Variants in SMARCC2 observed in about 807,000 individuals in gnomAD.
SMARCC2 encodes SWI/SNF related BAF chromatin remodeling complex subunit C2.
SMARCC2 carries 15 observed loss-of-function variants against 151.3 expected under a neutral mutation model. That is an observed-to-expected ratio of 0.10 (90% CI 0.07 to 0.15). SMARCC2 has a LOEUF of 0.15. SMARCC2 is among the 10% of genes least tolerant of loss of function. The pLI, the probability that SMARCC2 is intolerant of heterozygous loss-of-function variation, is 1.00. For missense variants in SMARCC2, 1,031 were observed against 1,599.7 expected, an observed-to-expected ratio of 0.64 and a Z score of 6.06; for synonymous variants, 590 against 609.5, an observed-to-expected ratio of 0.97 and a Z score of 0.47.
In SMARCC2 at chr12:56,162,396, AAG is replaced by A; in HGVS notation, c.*1291_*1292del. ...CAAATTAATTTATAAAAAAAAAAAA[AAG>A]AAAGAAAGAAAAAAAGAGAAAATTT... is the stretch of plus-strand genomic sequence containing the variant. On this transcript the variant is annotated 3_prime_UTR_variant, in exon 29 of 29. Transcript: ENST00000550164. The A allele has an allele frequency of 6.2e-6, 4 of 641,850 alleles. No homozygotes were observed. Among genetic ancestry groups the A allele is most frequent in the East Asian group, 2.8e-5 (1 of 36,250 alleles). 39.8% of individuals were successfully genotyped at this position (641,850 alleles called of 1,614,324 possible). A position where few individuals can be genotyped will look rare whatever the true frequency, so the allele number is the denominator to read the frequency against.
chr12:56,189,086 C>T (rs1185192908), intron 1 of SMARCC2, among the ~76,000 whole-genome samples: 1 of 151,218 alleles, frequency 6.6e-6, no homozygotes, highest in Non-Finnish European at 1.5e-5. Context: ...GGGCTAATGG[C>T]ACCGGGGCCC....
chr12:56,168,270 A>G, intron 25 of SMARCC2, 76 bp from the exon 26 acceptor site: 1 of 1,551,290 alleles, frequency 6.4e-7, no homozygotes, highest in East Asian at 2.3e-5. Context: ...GGTAGGGTGG[A>G]TGCTGGCAGG....
Position 56,181,051 on chromosome 12 carries a change from T to C in SMARCC2, c.1007A>G (p.Gln336Arg). Residue 336 changes from glutamine to arginine, a missense_variant, in exon 11 of 29, where the codon CAA becomes CGA. Coordinates refer to ENST00000550164, the MANE Select transcript of SMARCC2 (RefSeq NM_001330288.2). Reference protein sequence around the residue: ...KSKRGHREEEQEDLTKDMDEP... With the variant: ...KSKRGHREEEREDLTKDMDEP... ...GTCCATGTCCTTTGTCAGGTCTTCT[T>C]GCTCCTCTTCTCTGTGGCCACGCTT... 1.2e-6 allele frequency: 2 copies of C among 1,614,012 alleles called. No individual in the cohort carries two copies. Among genetic ancestry groups the C allele is most frequent in the Non-Finnish European group, 1.7e-6 (2 of 1,179,946 alleles).
Position 56,171,830 on chromosome 12 carries a change from T to C in SMARCC2, c.2034A>G (p.Pro678=). Residue 678 remains proline (P), a synonymous_variant, in exon 21 of 29, where the codon CCA becomes CCG. Coordinates refer to ENST00000550164, the MANE Select transcript of SMARCC2 (RefSeq NM_001330288.2). The surrounding 1 kb of genome is among the most constrained non-coding windows in gnomAD (Gnocchi z 4.2). ...GGGAGGCCTCTGAGTCCTCCAGGTA[T>C]GGGTCTTCAATGGGAAGACGAAGAA... ...LHFLRLPIED[P]YLEDSEASLG... is the part of the protein sequence containing the mutation. 3 of 1,614,184 alleles carry C rather than the reference T, an allele frequency of 1.9e-6. No individual in the cohort carries two copies. The highest frequency in any genetic ancestry group is 2.7e-5 in the African/African-American group (2 of 75,044).
rs1381355098 is a variant in SMARCC2 at position 56,173,840 on chromosome 12, G to A, written c.1506C>T (p.Ala502=). ...GDVCAIMRVH[A]FLEQWGLINY... ...TAATAAGACCCCACTGTTCTAGGAA[G>A]GCATGGACCCTGTGCAGAGAGAGGC... The change falls in exon 17 of 29, where the codon GCC becomes GCT. Residue 502 remains alanine, a synonymous_variant. Transcript: ENST00000550164. 2.5e-6 allele frequency: 4 copies of A among 1,613,382 alleles called. No homozygotes were observed. In the African/African-American group the frequency reaches 5.3e-5, roughly 22 times the overall value.
intron 5 of SMARCC2, 53 bp downstream of exon 5, chr12:56,184,791 A>G: frequency 9.1e-7 from 1 of 1,095,350 alleles, no homozygotes; most frequent in Non-Finnish European, 1.4e-6. Context: ...TATAGAAAAC[A>G]CTGGGAAAAC....
intron 15 of SMARCC2, 77 bp from the exon 16 acceptor site, chr12:56,174,841 A>G: frequency 2.2e-6 from 2 of 920,068 alleles, no homozygotes. Flanking sequence ...AAATGGTAAG[A>G]GAGCTAATGA....
At chr12:56,176,983 A>G (rs1215988815) in intron 15 of SMARCC2, among the ~76,000 whole-genome samples, 1 of 151,810 alleles carries the variant, frequency 6.6e-6, no homozygotes, top group Non-Finnish European at 1.5e-5. Flanking sequence ...CACCACGCCC[A>G]GCTAGTTTTG....
chr12:56,169,137 T>C (rs994513730), intron 25 of SMARCC2, among the ~76,000 whole-genome samples: 1 of 150,968 alleles, frequency 6.6e-6, no homozygotes, highest in African/African-American at 2.4e-5. Flanking sequence ...CTACTAAAAA[T>C]ACAAAGAGTT....
chr12:56,162,381 T>C lies in SMARCC2; in HGVS notation c.*1308A>G. The stretch of plus-strand genomic sequence containing the variant: ...AGATGGAACTGAAAGCAAATTAATT[T>C]ATAAAAAAAAAAAAAAGAAAGAAAG... On this transcript the variant is annotated 3_prime_UTR_variant, in exon 29 of 29. Coordinates refer to ENST00000550164, the MANE Select transcript of SMARCC2 (RefSeq NM_001330288.2). The C allele has an allele frequency of 1.7e-6, 1 of 589,724 alleles. No homozygotes were observed. The highest frequency in any genetic ancestry group is 3.0e-6 in the Non-Finnish European group (1 of 335,834). The allele number at this position is 589,724 out of a possible 1,614,324, so 36.5% of individuals were successfully genotyped here. A position where few individuals can be genotyped will look rare whatever the true frequency, so the allele number is the denominator to read the frequency against.
chr12:56,169,382 A>T, intron 25 of SMARCC2, 147 bp downstream of exon 25: 1 of 1,001,986 alleles, frequency 1.0e-6, no homozygotes, highest in African/African-American at 1.6e-5. Context: ...AGAAGGGATG[A>T]CTAACTTTAC....
intron 7 of SMARCC2, among the ~76,000 whole-genome samples, chr12:56,182,435 C>T (rs921565768): frequency 2.0e-5 from 3 of 151,764 alleles, no homozygotes; most frequent in Non-Finnish European, 2.9e-5. Flanking sequence ...AGCGATTCTC[C>T]TGCCTCAGCC....
Position 56,184,242 on chromosome 12 carries a change from T to C in SMARCC2, c.495A>G (p.Gly165=). The change falls in exon 6 of 29, where the codon GGA becomes GGG. Residue 165 remains glycine, a splice_region_variant and synonymous_variant. Transcript: ENST00000550164. ...KLKDIIKRHQ[G]TVTEDKNNAS... is the part of the protein sequence containing the mutation. The stretch of plus-strand genomic sequence containing the variant: ...CATTGTTCTTATCCTCAGTGACTGT[T>C]CCCTGGATGGTAAAAGGAGAAGCGG... 1.2e-6 allele frequency: 2 copies of C among 1,611,658 alleles called. No homozygotes were observed. The highest frequency in any genetic ancestry group is 1.7e-6 in the Non-Finnish European group (2 of 1,178,194).
Position 56,184,873 on chromosome 12 carries a change from T to C in SMARCC2, c.463A>G (p.Lys155Glu). 6.2e-7 allele frequency: 1 copy of C among 1,612,064 alleles called. No individual in the cohort carries two copies. Among genetic ancestry groups the C allele is most frequent in the Non-Finnish European group, 8.5e-7 (1 of 1,178,170 alleles). Residue 155 changes from lysine (K) to glutamate (E), a missense_variant, in exon 5 of 29, where the codon AAA (lysine) becomes GAA (glutamate). By Grantham distance (56) the Lys-to-Glu change is moderately conservative (BLOSUM62 1). Transcript: ENST00000550164. ...CPEIEPKLLGKLKDIIKRHQG... is the reference protein window; with the variant it reads ...CPEIEPKLLGELKDIIKRHQG... ...TGTCTCTTGATAATGTCCTTTAATT[T>C]CCCTAGTAGTTTGGGCTCAATTTCT...
chr12:56,181,363 C>T (rs1444676228), intron 10 of SMARCC2, 119 bp downstream of exon 10: 15 of 681,164 alleles, frequency 2.2e-5, no homozygotes, highest in South Asian at 8.2e-5. Flanking sequence ...AGGACACCTG[C>T]AGTATTATGG....
intron 15 of SMARCC2, 79 bp from the exon 16 acceptor site, chr12:56,174,843 A>T (rs1048242449): frequency 1.1e-5 from 10 of 891,258 alleles, no homozygotes; most frequent in Middle Eastern, 4.5e-4. Context: ...ATGGTAAGAG[A>T]GCTAATGACT....
rs759365888 is a variant in SMARCC2, at chr12:56,173,859, G to C, written c.1497-10C>G. 1.1e-5 allele frequency: 18 copies of C among 1,609,894 alleles called. No individual in the cohort carries two copies. In the South Asian group the frequency reaches 1.5e-4, roughly 14 times the overall value. ...TAGGAAGGCATGGACCCTGTGCAGA[G>C]AGAGGCAGAGACAGGGTCACACGGA... On this transcript the variant is annotated splice_polypyrimidine_tract_variant and intron_variant, in intron 16 of 28. Transcript: ENST00000550164.
rs1416234635 is a variant in SMARCC2, at chr12:56,162,468, G to A, written c.*1221C>T. 1.7e-6 allele frequency: 1 copy of A among 587,210 alleles called. No individual in the cohort carries two copies. Among genetic ancestry groups the A allele is most frequent in the Non-Finnish European group, 3.0e-6 (1 of 335,950 alleles). 36.4% of individuals were successfully genotyped at this position (587,210 alleles called of 1,614,324 possible). A position where few individuals can be genotyped will look rare whatever the true frequency, so the allele number is the denominator to read the frequency against. On this transcript the variant is annotated 3_prime_UTR_variant, in exon 29 of 29. Transcript: ENST00000550164. The stretch of plus-strand genomic sequence containing the variant: ...AGAAAGGTGCTAAGACGCAGAGGGA[G>A]AGAAACATGGGGACATGAGGAACAA...
At position 56,184,882 on chromosome 12, in the gene SMARCC2, G is replaced by C; in HGVS notation, c.454C>G (p.Leu152Val). Residue 152 changes from leucine (L) to valine (V), a missense_variant, in exon 5 of 29, where the codon CTA (leucine) becomes GTA (valine). Leu to Val is a conservative substitution (Grantham distance 32). Transcript: ENST00000550164. ...IFLCPEIEPK[L>V]LGKLKDIIKR... ...ATAATGTCCTTTAATTTCCCTAGTA[G>C]TTTGGGCTCAATTTCTGGGCACAGA... The C allele has an allele frequency of 6.2e-7, 1 of 1,613,074 alleles. No homozygotes were observed. The highest frequency in any genetic ancestry group is 1.7e-4 in the Middle Eastern group (1 of 6,060).
Sources: allele counts gnomAD v4.1 joint callset (sites outside exome capture counted in the v4.1 genomes callset), GRCh38; gene constraint gnomAD v4.1.1; non-coding constraint Gnocchi (gnomAD v3.1); transcripts MANE v1.5; gene names NCBI Gene and HGNC (gene_info 2026-07-23, HGNC 2026-07-21).